Variants in USP9Y observed in about 807,000 individuals in gnomAD.
USP9Y encodes ubiquitin specific peptidase 9 Y-linked, also known as ubiquitin carboxyl-terminal hydrolase 9Y.
USP9Y carries 41 observed loss-of-function variants against 53.1 expected under a neutral mutation model. The observed-to-expected ratio is 0.77, with a 90% confidence interval of 0.60 to 1.00. The LOEUF (loss-of-function observed/expected upper bound fraction) is 1.00, where lower values mean the gene tolerates loss of function less well. USP9Y is among the 50% of genes least tolerant of loss of function. The pLI, the probability that USP9Y is intolerant of heterozygous loss-of-function variation, is 0.00. For synonymous variants in USP9Y, 220 were observed against 173.7 expected, an observed-to-expected ratio of 1.27 and a Z score of -2.09; for missense variants, 567 against 535.8, an observed-to-expected ratio of 1.06 and a Z score of -0.58.
At chrY:12,768,603 G>A (rs1374362196) in intron 15 of USP9Y, among the ~76,000 whole-genome samples, 1 of 32,525 alleles carries the variant, frequency 3.1e-5, no homozygotes, top group East Asian at 7.9e-4. Flanking sequence ...CACTGTACCC[G>A]GCCTTTTCTT....
At chrY:12,740,059 AT>A (rs2053456176) in intron 12 of USP9Y, among the ~76,000 whole-genome samples, 1 of 33,469 alleles carries the variant, frequency 3.0e-5, no homozygotes, top group South Asian at 6.7e-4. Context: ...TTTTAAAGAC[AT>A]TTTGGCACAA....
Position 12,773,840 on chromosome Y carries a change from A to G in USP9Y, c.2246A>G (p.Asn749Ser), listed in dbSNP as rs1343563302. ...KCFERFFKAVNCRERKLIAKR... is the reference protein window; with the variant it reads ...KCFERFFKAVSCRERKLIAKR... ...TTTGAAAGATTTTTCAAAGCTGTCA[A>G]TTGTCGAGAAAGGAAACTAATAGCA... The change falls in exon 17 of 46, where the codon AAT (asparagine) becomes AGT (serine). Residue 749 changes from asparagine to serine, a missense_variant. Transcript: ENST00000338981. 1 of 396,315 alleles carries G rather than the reference A, an allele frequency of 2.5e-6. No homozygotes were observed. The highest frequency in any genetic ancestry group is 6.4e-5 in the African/African-American group (1 of 15,589).
chrY:12,776,261 C>A, intron 18 of USP9Y, among the ~76,000 whole-genome samples: 1 of 30,573 alleles, frequency 3.3e-5, no homozygotes, highest in Non-Finnish European at 7.9e-5. Flanking sequence ...CCTGCCTCAG[C>A]TTTCCGAGTA....
chrY:12,805,758 A>G, intron 27 of USP9Y, among the ~76,000 whole-genome samples: 2 of 33,531 alleles, frequency 6.0e-5, no homozygotes, highest in Non-Finnish European at 1.5e-4. Flanking sequence ...AAATAATTGT[A>G]TCACACAATT....
At chrY:12,802,739 CTTTTTTTTT>C (rs1603201130) in intron 27 of USP9Y, 1 of 22,994 alleles carries the variant, frequency 4.3e-5, no homozygotes, top group Non-Finnish European at 1.1e-4. Context: ...TCTTTTTTTT[CTTTTTTTTT>C]TTTTTTTTGA....
Position 12,722,148 on chromosome Y carries a change from G to T in USP9Y, c.286G>T (p.Glu96Ter). 1 of 397,306 alleles carries T rather than the reference G, an allele frequency of 2.5e-6. No individual in the cohort carries two copies. The highest frequency in any genetic ancestry group is 3.5e-6 in the Non-Finnish European group (1 of 282,573). Residue 96 changes from glutamate (E) to a stop codon, truncating the protein, a stop_gained, in exon 5 of 46, where the codon GAA (glutamate) becomes TAA (stop). Coordinates refer to ENST00000338981, the MANE Select transcript of USP9Y (RefSeq NM_004654.4). LOFTEE classifies it high-confidence loss of function. The part of the protein sequence containing the change: ...VVPVLPKGEL[E>*]VLLEAAIDLS... ...TCCTGTTTTGCCAAAAGGGGAATTA[G>T]AAGTGCTTTTAGAAGCTGCTATTGA...
At chrY:12,718,837 T>G in intron 3 of USP9Y, among the ~76,000 whole-genome samples, 4 of 33,865 alleles carry the variant, frequency 1.2e-4, no homozygotes, top group Admixed American at 1.1e-3. Context: ...AGATTTTGCA[T>G]TATGCATTTA....
intron 33 of USP9Y, among the ~76,000 whole-genome samples, chrY:12,820,750 T>A: frequency 3.0e-5 from 1 of 33,673 alleles, no homozygotes; most frequent in African/African-American, 1.2e-4. Flanking sequence ...TTTCACTTAA[T>A]AATATATGTG....
intron 34 of USP9Y, among the ~76,000 whole-genome samples, chrY:12,835,489 G>T: frequency 3.0e-5 from 1 of 33,624 alleles, no homozygotes; most frequent in Non-Finnish European, 7.4e-5. Flanking sequence ...TGACTGTCTT[G>T]TTTTTCCTGA....
intron 33 of USP9Y, among the ~76,000 whole-genome samples, chrY:12,830,421 C>A (rs2053549973): frequency 3.0e-5 from 1 of 33,615 alleles, no homozygotes; most frequent in African/African-American, 1.2e-4. Flanking sequence ...GGGGTTTATT[C>A]TAAGAATATG....
chrY:12,735,635 T>C lies in USP9Y; in HGVS notation c.681T>C (p.Asn227=). The part of the protein sequence containing the change: ...SPKGWLVDLI[N]KFGTLNGFQI... The stretch of plus-strand genomic sequence containing the variant: ...AGGGTTGGCTAGTGGATCTCATCAA[T>C]AAATTTGGCACATTAAATGGGTTCC... Residue 227 remains asparagine (N), a synonymous_variant, in exon 8 of 46, where the codon AAT becomes AAC. Transcript: ENST00000338981. 2.5e-6 allele frequency: 1 copy of C among 395,556 alleles called. No individual in the cohort carries two copies.
In USP9Y at chrY:12,735,623, G is replaced by A; in HGVS notation, c.669G>A (p.Val223=). Residue 223 remains valine, a synonymous_variant, in exon 8 of 46, where the codon GTG becomes GTA. Transcript: ENST00000338981. ...TAACTGTATTACAGGGTTGGCTAGTGGATCTCATCAATAAATTTGGCACAT... is the reference window on the plus strand; with the variant it reads ...TAACTGTATTACAGGGTTGGCTAGTAGATCTCATCAATAAATTTGGCACAT... The part of the protein sequence containing the change: ...SDPRSPKGWL[V]DLINKFGTLN... The A allele has an allele frequency of 2.6e-6, 1 of 390,493 alleles. No homozygotes were observed. Among genetic ancestry groups the A allele is most frequent in the Non-Finnish European group, 3.6e-6 (1 of 277,305 alleles).
chrY:12,784,590 C>T (rs758416560), intron 22 of USP9Y, among the ~76,000 whole-genome samples: 7 of 33,283 alleles, frequency 2.1e-4, no homozygotes, highest in African/African-American at 8.2e-4. Context: ...TTTGCATGGT[C>T]GCCCCTGTCC....
chrY:12,770,005 A>T, intron 15 of USP9Y, among the ~76,000 whole-genome samples: 2 of 33,421 alleles, frequency 6.0e-5, no homozygotes, highest in Admixed American at 2.7e-4. Flanking sequence ...GATGGTCTCG[A>T]TCTTCTGACC....
intron 1 of USP9Y, among the ~76,000 whole-genome samples, chrY:12,706,902 C>T: frequency 3.0e-5 from 1 of 32,936 alleles, no homozygotes; most frequent in South Asian, 6.8e-4. Context: ...TATTAAAGAA[C>T]AATCTATGTC....
At chrY:12,703,287 T>C (rs2053417502) in intron 1 of USP9Y, among the ~76,000 whole-genome samples, 1 of 33,572 alleles carries the variant, frequency 3.0e-5, no homozygotes, top group Non-Finnish European at 7.4e-5. Flanking sequence ...CCAGAATTTA[T>C]TCCTTCTTGT....
chrY:12,755,086 A>T, intron 12 of USP9Y, among the ~76,000 whole-genome samples: 1 of 31,657 alleles, frequency 3.2e-5, no homozygotes, highest in Non-Finnish European at 7.6e-5. Context: ...ATCTCATTAA[A>T]ATAGCTTTTC....
chrY:12,796,986 T>G (rs1014188816), intron 27 of USP9Y, among the ~76,000 whole-genome samples: 2 of 33,677 alleles, frequency 5.9e-5, no homozygotes, highest in Non-Finnish European at 1.5e-4. Context: ...TTATTTTACC[T>G]AGCCCCTATT....
chrY:12,752,862 C>G (rs2053465344), intron 12 of USP9Y, among the ~76,000 whole-genome samples: 1 of 33,716 alleles, frequency 3.0e-5, no homozygotes, highest in African/African-American at 1.2e-4. Flanking sequence ...TTATCTCCCC[C>G]TTTTTTGTAG....
Sources: allele counts gnomAD v4.1 joint callset (sites outside exome capture counted in the v4.1 genomes callset), GRCh38; gene constraint gnomAD v4.1.1; transcripts MANE v1.5; gene names NCBI Gene and HGNC (gene_info 2026-07-23, HGNC 2026-07-21).